The following ACTR3C variants were observed in gnomAD, a reference collection of about 807,000 sequenced individuals.
ACTR3C encodes the protein actin-related protein 3C.
A neutral mutation model predicts 26.3 loss-of-function variants in ACTR3C; 18 were observed. That is an observed-to-expected ratio of 0.68 (90% CI 0.47 to 1.01). The LOEUF (loss-of-function observed/expected upper bound fraction) is 1.01, where lower values mean the gene tolerates loss of function less well. ACTR3C is among the 50% of genes least tolerant of loss of function. ACTR3C has a pLI of 0.00. For missense variants in ACTR3C, 184 were observed against 250.7 expected (o/e 0.73, Z 1.80); for synonymous variants, 55 against 94.5 (o/e 0.58, Z 2.42).
the ACTR3C span, among the ~76,000 whole-genome samples, chr7:150,212,752 CCA>C: frequency 6.6e-6 from 1 of 152,126 alleles, no homozygotes; most frequent in East Asian, 1.9e-4. Context: ...TTCATGATGC[CCA>C]AGTGTCTATC....
At chr7:150,035,336 AGGG>A in the ACTR3C span, among the ~76,000 whole-genome samples, 3 of 51,178 alleles carry the variant, frequency 5.9e-5, 1 homozygote, top group Non-Finnish European at 9.2e-5. Context: ...GGGGCGGAAG[AGGG>A]GATAGCTCTC....
At chr7:150,102,190 C>T in the ACTR3C span, among the ~76,000 whole-genome samples, 508 of 151,648 alleles carry the variant, frequency 3.3e-3, 19 homozygotes, top group African/African-American at 0.012. Context: ...CCTGAAGATT[C>T]TGAGCCTTGG....
the ACTR3C span, among the ~76,000 whole-genome samples, chr7:150,156,539 T>TGAGA: frequency 2.7e-5 from 4 of 148,544 alleles, no homozygotes; most frequent in African/African-American, 5.0e-5. Flanking sequence ...TGGTGCTTAT[T>TGAGA]GAGAGAGAGA....
chr7:150,054,724 A>C, the ACTR3C span, among the ~76,000 whole-genome samples: 1 of 152,218 alleles, frequency 6.6e-6, no homozygotes, highest in African/African-American at 2.4e-5. Context: ...TGTGTCATTA[A>C]AGCCAAATCA....
rs533802982 is a variant in ACTR3C, at chr7:150,320,482, G to C, written c.-52+2987C>G. On this transcript the variant is annotated intron_variant, in intron 1 of 7. Transcript: ENST00000683684. Reference sequence around the variant, plus strand: ...TTAAATTAAGAATGCCTTTTTCCAGGCCAGGCGCCATGGCTCAAGCCTGTA... The same window carrying C: ...TTAAATTAAGAATGCCTTTTTCCAGCCCAGGCGCCATGGCTCAAGCCTGTA... Among the ~76,000 whole-genome samples, 8 of 152,012 alleles carry C rather than the reference G, an allele frequency of 5.3e-5. No homozygotes were observed. The Middle Eastern group carries it at 0.02, about 388-fold the overall frequency.
the ACTR3C span, among the ~76,000 whole-genome samples, chr7:150,207,345 C>T: frequency 1.3e-5 from 2 of 152,094 alleles, no homozygotes; most frequent in South Asian, 2.1e-4. Flanking sequence ...TGTGCACACA[C>T]AGACTCACTA....
the ACTR3C span, among the ~76,000 whole-genome samples, chr7:149,993,684 G>A: frequency 1.3e-5 from 2 of 152,014 alleles, no homozygotes; most frequent in African/African-American, 2.4e-5. Context: ...CCCACCCACA[G>A]ACCCCATTGG....
At position 150,274,739 on chromosome 7, in the gene ACTR3C, C is replaced by T. The variant is rs11972370; in HGVS notation, c.564+10014G>A. Reference sequence around the variant, plus strand: ...ACGCAGCTTGGCCCTGACGCCTATACTCTTAACCACGACAAACTAAAAATA... The same window carrying T: ...ACGCAGCTTGGCCCTGACGCCTATATTCTTAACCACGACAAACTAAAAATA... On this transcript the variant is annotated intron_variant, in intron 6 of 7. Transcript: ENST00000683684. The surrounding 1 kb of genome is among the most constrained non-coding windows in gnomAD (Gnocchi z 4.1). Among the ~76,000 whole-genome samples, 13,421 of 152,234 alleles carry T rather than the reference C, an allele frequency of 0.088. 788 individuals are homozygous for T. The highest frequency in any genetic ancestry group is 0.15 in the African/African-American group (6,262 of 41,522).
At chr7:150,289,702 C>A in intron 3 of ACTR3C, 109 bp from the exon 4 acceptor site, 2 of 1,545,452 alleles carry the variant, frequency 1.3e-6, no homozygotes, top group South Asian at 2.5e-5. Flanking sequence ...CCTCACGGCA[C>A]TGACAAGCAT....
chr7:150,093,252 C>G, the ACTR3C span, among the ~76,000 whole-genome samples: 3 of 151,114 alleles, frequency 2.0e-5, no homozygotes, highest in Non-Finnish European at 4.4e-5. Context: ...AATGACCAAG[C>G]AGAGCAGCTT....
chr7:150,277,896 G>C (rs556208613), intron 6 of ACTR3C, among the ~76,000 whole-genome samples: 1 of 152,110 alleles, frequency 6.6e-6, no homozygotes, highest in African/African-American at 2.4e-5. Flanking sequence ...AACTTAAGTT[G>C]GGTCACATTA....
chr7:150,180,769 A>C, the ACTR3C span, among the ~76,000 whole-genome samples: 98,817 of 141,456 alleles, frequency 0.7, 34,268 homozygotes, highest in East Asian at 0.83. Flanking sequence ...CTCGGCCTCC[A>C]AAAGTGCTGG....
chr7:150,036,789 T>C, the ACTR3C span, among the ~76,000 whole-genome samples: 1 of 137,692 alleles, frequency 7.3e-6, no homozygotes, highest in Admixed American at 7.0e-5. Flanking sequence ...AACTTTCTAA[T>C]TGGACACCTA....
chr7:150,267,229 T>C (rs1834109918), intron 6 of ACTR3C, among the ~76,000 whole-genome samples: 2 of 152,340 alleles, frequency 1.3e-5, no homozygotes, highest in South Asian at 4.1e-4. Flanking sequence ...AGCACTCCAT[T>C]TCCAGCAGCC....
the ACTR3C span, among the ~76,000 whole-genome samples, chr7:149,978,159 G>C: frequency 6.6e-6 from 1 of 152,300 alleles, no homozygotes; most frequent in Non-Finnish European, 1.5e-5. Context: ...TATCCCATAC[G>C]TGATGTACAC....
At chr7:150,199,724 T>TAAAA in the ACTR3C span, among the ~76,000 whole-genome samples, 6 of 19,124 alleles carry the variant, frequency 3.1e-4, no homozygotes, top group South Asian at 2.0e-3. Flanking sequence ...AATATTTTTA[T>TAAAA]CAAAAAAAAA....
the ACTR3C span, among the ~76,000 whole-genome samples, chr7:150,122,220 T>C: frequency 3.3e-5 from 5 of 151,902 alleles, no homozygotes; most frequent in African/African-American, 9.7e-5. Flanking sequence ...AAAGCCAAAA[T>C]TGACAAATGG....
At chr7:150,054,270 T>G in the ACTR3C span, among the ~76,000 whole-genome samples, 1 of 152,226 alleles carries the variant, frequency 6.6e-6, no homozygotes. Context: ...ACTGGAATGT[T>G]GTTCAGCAAA....
intron 3 of ACTR3C, among the ~76,000 whole-genome samples, chr7:150,290,233 A>C (rs57490472): frequency 0.18 from 27,953 of 151,984 alleles, 3,516 homozygotes; most frequent in African/African-American, 0.34. Flanking sequence ...TGCCTCCCTA[A>C]GCCAGTGAAG....
Sources: gnomAD v4.1 joint callset for allele counts (sites outside exome capture counted in the v4.1 genomes callset) on GRCh38, gnomAD v4.1.1 for gene constraint, Gnocchi (gnomAD v3.1) non-coding constraint, MANE v1.5 for transcripts, NCBI Gene and HGNC (gene_info 2026-07-23, HGNC 2026-07-21) for gene names.